Variants in DPP10 observed in about 807,000 individuals in gnomAD.
DPP10 encodes dipeptidyl peptidase like 10.
DPP10 carries 33 observed loss-of-function variants against 120.9 expected under a neutral mutation model. The ratio of observed to expected loss-of-function variants is 0.27; its 90% confidence interval spans 0.21 to 0.37. DPP10 has a LOEUF of 0.37. Ranked by LOEUF, DPP10 falls within the 10% of genes least tolerant of loss-of-function variation. The pLI is 1.00. For synonymous variants in DPP10, 337 were observed against 326.1 expected (o/e 1.03, Z -0.36); for missense variants, 816 against 942.8 (o/e 0.87, Z 1.76).
intron 1 of DPP10, among the ~76,000 whole-genome samples, chr2:115,181,184 A>C (rs1246841708): frequency 1.3e-5 from 2 of 152,264 alleles, no homozygotes; most frequent in Non-Finnish European, 2.9e-5. Context: ...CTTAAAATGA[A>C]CAACTTTCAT....
chr2:114,578,253 T>C (rs1283124522), intron 1 of DPP10, among the ~76,000 whole-genome samples: 1 of 152,230 alleles, frequency 6.6e-6, no homozygotes, highest in Non-Finnish European at 1.5e-5. Flanking sequence ...CAAGTATATT[T>C]TATCATAACC....
chr2:115,541,962 C>G (rs1181589732), intron 5 of DPP10, among the ~76,000 whole-genome samples: 5 of 151,950 alleles, frequency 3.3e-5, no homozygotes, highest in African/African-American at 1.2e-4. Flanking sequence ...AGTATAGAGA[C>G]CTTTGTATTC....
chr2:115,187,100 A>C (rs2054512245), intron 1 of DPP10, among the ~76,000 whole-genome samples: 1 of 133,002 alleles, frequency 7.5e-6, no homozygotes, highest in South Asian at 2.3e-4. Flanking sequence ...GCAATGGCGC[A>C]ATCTCGGCTC....
At chr2:115,578,283 C>T (rs1220690197) in intron 5 of DPP10, among the ~76,000 whole-genome samples, 1 of 152,070 alleles carries the variant, frequency 6.6e-6, no homozygotes, top group Non-Finnish European at 1.5e-5. Flanking sequence ...AAGTTGACTC[C>T]AATGACAAAA....
At chr2:114,814,345 A>G (rs554878164) in intron 1 of DPP10, among the ~76,000 whole-genome samples, 25 of 151,826 alleles carry the variant, frequency 1.6e-4, no homozygotes, top group Non-Finnish European at 1.9e-4. Context: ...GTGAAGACTT[A>G]TTATTCCCCT....
At chr2:114,607,499 C>T (rs1273757341) in intron 1 of DPP10, among the ~76,000 whole-genome samples, 1 of 152,160 alleles carries the variant, frequency 6.6e-6, no homozygotes, top group Non-Finnish European at 1.5e-5. Flanking sequence ...GAAACTGTAG[C>T]TGATTCATGC....
intron 3 of DPP10, among the ~76,000 whole-genome samples, chr2:115,418,155 T>C (rs1371317882): frequency 6.6e-6 from 1 of 152,210 alleles, no homozygotes; most frequent in East Asian, 1.9e-4. Flanking sequence ...TTGGATGTGA[T>C]GTGTGCAAGA....
intron 7 of DPP10, 89 bp from the exon 8 acceptor site, chr2:115,727,727 G>A: frequency 1.5e-6 from 2 of 1,377,410 alleles, no homozygotes; most frequent in East Asian, 2.6e-5. Context: ...ATACAACATG[G>A]CTATTCAGTG....
chr2:114,563,862 T>A (rs1369777262), intron 1 of DPP10, among the ~76,000 whole-genome samples: 1 of 152,198 alleles, frequency 6.6e-6, no homozygotes, highest in African/African-American at 2.4e-5. Flanking sequence ...TTTCCCGGTG[T>A]CCAACTGACA....
At chr2:115,162,078 T>A (rs1330903699) in intron 1 of DPP10, 1 of 1,483,894 alleles carries the variant, frequency 6.7e-7, no homozygotes, top group African/African-American at 1.5e-5. Context: ...GTGGCTCCAG[T>A]GCGCGCTCCG....
intron 5 of DPP10, chr2:115,579,417 T>TG (rs2081885338): frequency 6.6e-6 from 1 of 152,150 alleles, no homozygotes; most frequent in African/African-American, 2.4e-5. Context: ...AAAATAAGTG[T>TG]GAAAAACAAA....
intron 3 of DPP10, among the ~76,000 whole-genome samples, chr2:115,386,507 T>C (rs1178780817): frequency 6.6e-6 from 1 of 152,084 alleles, no homozygotes; most frequent in Non-Finnish European, 1.5e-5. Flanking sequence ...AAGAAAAGGA[T>C]TTTGAGCTTC....
At chr2:115,703,245 G>C (rs965218985) in intron 7 of DPP10, among the ~76,000 whole-genome samples, 1 of 151,706 alleles carries the variant, frequency 6.6e-6, no homozygotes, top group Non-Finnish European at 1.5e-5. Flanking sequence ...GTGATTTAGG[G>C]AGAGTTGAAG....
chr2:115,840,670 A>C lies in DPP10; in HGVS notation c.2183-80A>C, dbSNP rs368384979. 2.8e-6 allele frequency: 4 copies of C among 1,409,224 alleles called. No individual in the cohort carries two copies. The African/African-American group carries it at 4.3e-5, about 15-fold the overall frequency. The allele number at this position is 1,409,224 out of a possible 1,614,324, so 87.3% of individuals were successfully genotyped here. A position where few individuals can be genotyped will look rare whatever the true frequency, so the allele number is the denominator to read the frequency against. On this transcript the variant is annotated intron_variant, in intron 24 of 25. Transcript: ENST00000410059. ...GCAATGTATGTAAAATAAAACACTG[A>C]ATCTCTTTGAAAAATAATATGAAAA...
intron 1 of DPP10, among the ~76,000 whole-genome samples, chr2:115,088,694 C>T (rs1263906288): frequency 1.4e-5 from 2 of 139,302 alleles, no homozygotes; most frequent in East Asian, 2.2e-4. Flanking sequence ...AACCCTCCTA[C>T]CTTGGCCTCC....
At chr2:114,767,193 A>G (rs2106129580) in intron 1 of DPP10, among the ~76,000 whole-genome samples, 1 of 128,934 alleles carries the variant, frequency 7.8e-6, no homozygotes, top group South Asian at 2.9e-4. Flanking sequence ...GCCAATGCTC[A>G]GGTAGGATAA....
chr2:115,730,854 G>A (rs574560837), intron 8 of DPP10, among the ~76,000 whole-genome samples: 1 of 152,280 alleles, frequency 6.6e-6, no homozygotes, highest in East Asian at 1.9e-4. Context: ...GGGCTCCTAT[G>A]TTGCCGTTAA....
intron 1 of DPP10, among the ~76,000 whole-genome samples, chr2:114,883,671 A>T (rs998677038): frequency 3.9e-5 from 6 of 152,222 alleles, no homozygotes; most frequent in African/African-American, 1.2e-4. Context: ...GTGTATCTAC[A>T]TTACTAATCC....
intron 11 of DPP10, 97 bp downstream of exon 11, chr2:115,753,394 G>T: frequency 2.5e-6 from 3 of 1,195,738 alleles, no homozygotes; most frequent in Non-Finnish European, 2.2e-6. Context: ...AAAAAATTCA[G>T]TGTTTAACTT....
Sources: allele counts gnomAD v4.1 joint callset (sites outside exome capture counted in the v4.1 genomes callset), GRCh38; gene constraint gnomAD v4.1.1; transcripts MANE v1.5; gene names NCBI Gene and HGNC (gene_info 2026-07-23, HGNC 2026-07-21).